The following EIF2A variants were observed in gnomAD, a reference collection of about 807,000 sequenced individuals.
EIF2A encodes the protein eukaryotic translation initiation factor 2A, also known as 65 kDa eukaryotic translation initiation factor 2A.
A neutral mutation model predicts 75.2 loss-of-function variants in EIF2A; 62 were observed. The observed-to-expected ratio is 0.82, with a 90% CI of 0.67 to 1.02. EIF2A has a LOEUF of 1.02. Ranked by LOEUF, EIF2A falls within the 50% of genes least tolerant of loss-of-function variation. EIF2A has a pLI of 0.00. For missense variants in EIF2A, 611 were observed against 677.7 expected (o/e 0.90, Z 1.09); for synonymous variants, 207 against 239.0 (o/e 0.87, Z 1.23).
intron 11 of EIF2A, among the ~76,000 whole-genome samples, chr3:150,577,639 G>A (rs965710115): frequency 3.3e-5 from 5 of 151,228 alleles, no homozygotes; most frequent in East Asian, 1.9e-4. Context: ...CAGGCTAGTC[G>A]CAAACTCCTG....
rs1319455229 is a variant in EIF2A at position 150,581,799 on chromosome 3, ATAAG to A, written c.1626+58_1626+61del. 5 of 1,545,836 alleles carry A rather than the reference ATAAG, an allele frequency of 3.2e-6. No homozygotes were observed. The East Asian group carries it at 7.3e-5, about 23-fold the overall frequency. ...ATTGAAAGGTATACATGAAAATTATATAAGTAAGAGAGTACTTAGATGCCTAAAG... is the reference window on the plus strand; with the variant it reads ...ATTGAAAGGTATACATGAAAATTATATAAGAGAGTACTTAGATGCCTAAAG... On this transcript the variant is annotated intron_variant, in intron 12 of 13. Coordinates refer to ENST00000460851, the MANE Select transcript of EIF2A (RefSeq NM_032025.5).
At chr3:150,565,289 T>C (rs1724112519) in intron 6 of EIF2A, 3 of 445,636 alleles carry the variant, frequency 6.7e-6, no homozygotes, top group Non-Finnish European at 1.4e-5. Flanking sequence ...AAGCACATAA[T>C]GTCTGGTTGT....
In EIF2A at chr3:150,579,426, T is replaced by C. The variant is rs151286693; in HGVS notation, c.1498-2192T>C. ...ACCAACATGACTTTAAAAAGAAAAA[T>C]TGGCTGGATGCAGTGGCTCACACCT... On this transcript the variant is annotated intron_variant, in intron 11 of 13. Coordinates refer to ENST00000460851, the MANE Select transcript of EIF2A (RefSeq NM_032025.5). 2.5e-4 allele frequency among the ~76,000 whole-genome samples: 38 copies of C among 152,178 alleles called. No homozygotes were observed. In the East Asian group the frequency reaches 7.1e-3, roughly 29 times the overall value.
Position 150,572,348 on chromosome 3 carries a change from A to G in EIF2A, c.1202A>G (p.Asp401Gly). 6.2e-7 allele frequency: 1 copy of G among 1,614,022 alleles called. No individual in the cohort carries two copies. The highest frequency in any genetic ancestry group is 8.5e-7 in the Non-Finnish European group (1 of 1,179,892). The change falls in exon 10 of 14, where the codon GAT becomes GGT. Residue 401 changes from aspartate (D) to glycine (G), a missense_variant. By Grantham distance (94) the Asp-to-Gly change is moderately conservative. Coordinates refer to ENST00000460851, the MANE Select transcript of EIF2A (RefSeq NM_032025.5). ...ACTGGCTCTATCTTGCACAAGTATG[A>G]TGTGCCATCAAATGCAGAATTATGG... is the stretch of plus-strand genomic sequence containing the variant. ...HYTGSILHKY[D>G]VPSNAELWQV...
intron 2 of EIF2A, chr3:150,557,591 G>T (rs1182906538): frequency 3.5e-6 from 1 of 284,764 alleles, no homozygotes; most frequent in Admixed American, 5.0e-5. Context: ...TTAGAGACAG[G>T]GTTTCGCCAT....
Position 150,560,079 on chromosome 3 carries a change from C to G in EIF2A, c.173+1617C>G, listed in dbSNP as rs187861424. Among the ~76,000 whole-genome samples, 391 of 152,124 alleles carry G rather than the reference C, an allele frequency of 2.6e-3. 3 individuals are homozygous for G. Among genetic ancestry groups the G allele is most frequent in the Admixed American group, 9.2e-4 (14 of 15,274 alleles). ...TGTTTTTGAAGTATTCCTTGTTCTT[C>G]TAGCTTAGAGTTTGTTGAATAAGTC... On this transcript the variant is annotated intron_variant, in intron 3 of 13. Coordinates refer to ENST00000460851, the MANE Select transcript of EIF2A (RefSeq NM_032025.5).
Position 150,552,223 on chromosome 3 carries a change from T to C in EIF2A, c.29-133T>C. 4.2e-6 allele frequency: 3 copies of C among 709,588 alleles called. No homozygotes were observed. In the South Asian group the frequency reaches 5.5e-5, roughly 13 times the overall value. 44.0% of individuals were successfully genotyped at this position (709,588 alleles called of 1,614,324 possible). On this transcript the variant is annotated intron_variant, in intron 1 of 13. Transcript: ENST00000460851. The stretch of plus-strand genomic sequence containing the variant: ...AAAATATGCCCTTTTGTTGCTAATA[T>C]TCTATAGTTCAATGAAATATTTAAT...
intron 1 of EIF2A, among the ~76,000 whole-genome samples, chr3:150,551,783 A>C (rs1376407618): frequency 6.6e-6 from 1 of 152,118 alleles, no homozygotes; most frequent in East Asian, 1.9e-4. Context: ...TCTGTAGATG[A>C]TTATTTAATC....
chr3:150,554,199 T>C (rs1228200126), intron 2 of EIF2A, among the ~76,000 whole-genome samples: 6 of 152,176 alleles, frequency 3.9e-5, no homozygotes, highest in Non-Finnish European at 7.3e-5. Context: ...ATGTCAAGTA[T>C]ATAAATGCTC....
intron 9 of EIF2A, among the ~76,000 whole-genome samples, chr3:150,569,189 AAAC>A (rs1724362330): frequency 6.6e-6 from 1 of 152,220 alleles, no homozygotes; most frequent in Non-Finnish European, 1.5e-5. Flanking sequence ...TTTTGAAAGA[AAAC>A]AAAATCATCT....
chr3:150,567,437 C>T, intron 6 of EIF2A: 1 of 337,872 alleles, frequency 3.0e-6, no homozygotes, highest in Non-Finnish European at 5.4e-6. Context: ...AAACCAATTA[C>T]TGAGAGTTGG....
chr3:150,582,677 T>C (rs1463816709), intron 12 of EIF2A, among the ~76,000 whole-genome samples: 1 of 152,148 alleles, frequency 6.6e-6, no homozygotes, highest in African/African-American at 2.4e-5. Flanking sequence ...CAGATATTTA[T>C]CCTAGTTTTG....
intron 11 of EIF2A, 122 bp from the exon 12 acceptor site, chr3:150,581,496 A>G: frequency 3.3e-6 from 4 of 1,206,830 alleles, no homozygotes; most frequent in Non-Finnish European, 4.6e-6. Context: ...CAGATTCTTT[A>G]TATAAAATGT....
Position 150,572,461 on chromosome 3 carries a change from G to A in EIF2A, c.1315G>A (p.Glu439Lys). 6.2e-7 allele frequency: 1 copy of A among 1,613,848 alleles called. No homozygotes were observed. Among genetic ancestry groups the A allele is most frequent in the East Asian group, 2.2e-5 (1 of 44,870 alleles). The change falls in exon 10 of 14, where the codon GAA becomes AAA. Residue 439 changes from glutamate to lysine, a missense_variant. Glu to Lys is a moderately conservative substitution (Grantham distance 56, BLOSUM62 1). Transcript: ENST00000460851. ...AGTTCCAAGTGAAGTACCCAATGAG[G>A]AACCTAAAGTTGCAACAGCTTATAG... ...QAVPSEVPNE[E>K]PKVATAYRPP...
At chr3:150,583,168 C>G in intron 12 of EIF2A, 32 bp from the exon 13 acceptor site, 1 of 1,586,084 alleles carries the variant, frequency 6.3e-7, no homozygotes, top group Non-Finnish European at 8.6e-7. Context: ...GACTTTTCTT[C>G]CATGCTCTTG....
chr3:150,552,328 T>C, intron 1 of EIF2A, 28 bp from the exon 2 acceptor site: 1 of 1,538,020 alleles, frequency 6.5e-7, no homozygotes. Flanking sequence ...ACAAAGTAAT[T>C]GTGGTTCTTT....
chr3:150,572,193 C>A lies in EIF2A; in HGVS notation c.1047C>A (p.Tyr349Ter). ...TGGAAGTGTGGGATGTGAAAAACTA[C>A]AAACTTATTTCTAAACCGGTGGCTT... Reference protein sequence around the residue: ...GQMEVWDVKNYKLISKPVASD... With the variant: ...GQMEVWDVKN The change falls in exon 10 of 14, where the codon TAC (tyrosine) becomes TAA (stop). Residue 349 changes from tyrosine (Y) to a stop codon, truncating the protein, a stop_gained. Coordinates refer to ENST00000460851, the MANE Select transcript of EIF2A (RefSeq NM_032025.5). LOFTEE classifies it high-confidence loss of function. 6.2e-7 allele frequency: 1 copy of A among 1,613,894 alleles called. No individual in the cohort carries two copies. Among genetic ancestry groups the A allele is most frequent in the Non-Finnish European group, 8.5e-7 (1 of 1,179,852 alleles).
chr3:150,583,694 A>ATACCTCGATTCAT, intron 13 of EIF2A, among the ~76,000 whole-genome samples, 152 bp from the exon 14 acceptor site: 1 of 147,900 alleles, frequency 6.8e-6, no homozygotes, highest in Non-Finnish European at 1.5e-5. Flanking sequence ...CATACCAGAT[A>ATACCTCGATTCAT]ACAAATTAGA....
chr3:150,560,708 T>A (rs1397955144), intron 3 of EIF2A, among the ~76,000 whole-genome samples: 1 of 145,268 alleles, frequency 6.9e-6, no homozygotes, highest in African/African-American at 2.5e-5. Flanking sequence ...TGGAATAAGA[T>A]GGAGAGTCTT....
Sources: allele counts gnomAD v4.1 joint callset (sites outside exome capture counted in the v4.1 genomes callset), GRCh38; gene constraint gnomAD v4.1.1; transcripts MANE v1.5; gene names NCBI Gene and HGNC (gene_info 2026-07-23, HGNC 2026-07-21).